Variants in PATJ observed in about 807,000 individuals in gnomAD.
The protein encoded by PATJ is inaD-like protein.
Under a neutral mutation model 224.9 loss-of-function variants are expected in PATJ, and 190 were observed. That is an observed-to-expected ratio of 0.84 (90% CI 0.75 to 0.95). PATJ has a LOEUF of 0.95. PATJ is among the 40% of genes least tolerant of loss of function. The pLI, the probability that PATJ is intolerant of heterozygous loss-of-function variation, is 0.00. For synonymous variants in PATJ, 769 were observed against 820.3 expected, an observed-to-expected ratio of 0.94 and a Z score of 1.07; for missense variants, 2,121 against 2,270.3, an observed-to-expected ratio of 0.93 and a Z score of 1.34.
intron 31 of PATJ, among the ~76,000 whole-genome samples, chr1:62,067,319 G>A (rs1196663926): frequency 1.3e-5 from 2 of 151,406 alleles, no homozygotes; most frequent in Non-Finnish European, 2.9e-5. Context: ...AGTAGAGACA[G>A]GGTTTCACCA....
At chr1:61,758,506 G>A (rs1237652421) in intron 1 of PATJ, among the ~76,000 whole-genome samples, 1 of 151,916 alleles carries the variant, frequency 6.6e-6, no homozygotes, top group African/African-American at 2.4e-5. Flanking sequence ...CTGCCACCAC[G>A]CCCAGCTAAT....
rs1295847116 is a variant in PATJ at position 61,808,499 on chromosome 1, C to G, written c.1652C>G (p.Ala551Gly). ...VMVATLDTQI[A>G]DDAELQKYSK... is the part of the protein sequence containing the mutation. ...GTTGCTACTTTGGACACACAGATTGCAGATGATGCTGAGTTACAGAAATAT... is the reference window on the plus strand; with the variant it reads ...GTTGCTACTTTGGACACACAGATTGGAGATGATGCTGAGTTACAGAAATAT... The change falls in exon 14 of 44, where the codon GCA (alanine) becomes GGA (glycine). Residue 551 changes from alanine (A) to glycine (G), a missense_variant. Coordinates refer to ENST00000642238, the MANE Select transcript of PATJ (RefSeq NM_001350145.3). 6.2e-7 allele frequency: 1 copy of G among 1,607,668 alleles called. No individual in the cohort carries two copies. The highest frequency in any genetic ancestry group is 1.7e-5 in the Admixed American group (1 of 59,456).
chr1:62,125,165 A>T (rs1665537783), intron 39 of PATJ, among the ~76,000 whole-genome samples: 1 of 139,578 alleles, frequency 7.2e-6, no homozygotes, highest in African/African-American at 2.6e-5. Flanking sequence ...TGAGCTCAGG[A>T]GGTTGAGGCT....
chr1:61,948,782 C>T (rs1001512935), intron 27 of PATJ, among the ~76,000 whole-genome samples: 1 of 152,080 alleles, frequency 6.6e-6, no homozygotes, highest in Non-Finnish European at 1.5e-5. Context: ...TATTGTGGCA[C>T]TATCCACAAT....
At chr1:61,902,649 A>G (rs896511888) in intron 24 of PATJ, among the ~76,000 whole-genome samples, 1 of 152,194 alleles carries the variant, frequency 6.6e-6, no homozygotes, top group African/African-American at 2.4e-5. Context: ...TTTCAAATAT[A>G]CTACTTATGG....
intron 33 of PATJ, among the ~76,000 whole-genome samples, chr1:62,087,895 T>G (rs1049990253): frequency 3.8e-5 from 4 of 104,218 alleles, no homozygotes; most frequent in Non-Finnish European, 8.6e-5. Flanking sequence ...TCTTTGTAAT[T>G]TTTTTTTTTT....
chr1:62,048,524 C>T (rs554760193), intron 30 of PATJ, among the ~76,000 whole-genome samples: 12 of 115,090 alleles, frequency 1.0e-4, no homozygotes, highest in African/African-American at 2.8e-4. Flanking sequence ...CTAGCCTGGG[C>T]GACAGAGCGA....
chr1:62,046,570 T>C (rs919250179), intron 30 of PATJ, among the ~76,000 whole-genome samples: 7 of 152,264 alleles, frequency 4.6e-5, no homozygotes, highest in African/African-American at 1.4e-4. Flanking sequence ...GAAAAATGAA[T>C]CAGGCAGTGG....
chr1:62,119,343 C>T (rs1570680289), intron 37 of PATJ, among the ~76,000 whole-genome samples: 1 of 152,182 alleles, frequency 6.6e-6, no homozygotes, highest in African/African-American at 2.4e-5. Context: ...AACATTTTTA[C>T]ATCCAGACCC....
intron 31 of PATJ, among the ~76,000 whole-genome samples, chr1:62,063,454 A>AT (rs368989546): frequency 2.2e-4 from 32 of 148,190 alleles, no homozygotes; most frequent in Admixed American, 6.7e-4. Context: ...CTCTGGCTTC[A>AT]TTTTTTTTTT....
At position 62,127,443 on chromosome 1, in the gene PATJ, A is replaced by G. The variant is rs138112094; in HGVS notation, c.5044-529A>G. Among the ~76,000 whole-genome samples, 221 of 146,578 alleles carry G rather than the reference A, an allele frequency of 1.5e-3. 2 individuals are homozygous for G. The highest frequency in any genetic ancestry group is 0.011 in the Admixed American group (161 of 14,584). On this transcript the variant is annotated intron_variant, in intron 39 of 43. Coordinates refer to ENST00000642238, the MANE Select transcript of PATJ (RefSeq NM_001350145.3). ...TTTTTTTTTTTTTTTGACACAAATG[A>G]CTCCATTTTGATTCTGACAACTTTC... is the stretch of plus-strand genomic sequence containing the variant.
At chr1:61,797,938 G>A (rs1299033518) in intron 11 of PATJ, among the ~76,000 whole-genome samples, 1 of 151,918 alleles carries the variant, frequency 6.6e-6, no homozygotes, top group Non-Finnish European at 1.5e-5. Flanking sequence ...AAGTAGCTGG[G>A]ACTACAGGCA....
intron 6 of PATJ, among the ~76,000 whole-genome samples, chr1:61,773,964 C>CA (rs1471115800): frequency 4.0e-5 from 6 of 150,974 alleles, no homozygotes; most frequent in Non-Finnish European, 7.4e-5. Flanking sequence ...ACTAAAAATA[C>CA]AAAAAATTAG....
intron 21 of PATJ, 190 bp downstream of exon 21, chr1:61,875,556 T>G (rs565483201): frequency 2.2e-6 from 1 of 447,190 alleles, no homozygotes; most frequent in Non-Finnish European, 4.0e-6. Flanking sequence ...CAACTTAGAG[T>G]TTTCAGATTC....
intron 27 of PATJ, among the ~76,000 whole-genome samples, chr1:61,963,710 G>A (rs1681657205): frequency 6.6e-6 from 1 of 152,150 alleles, no homozygotes; most frequent in South Asian, 2.1e-4. Context: ...GGCTGAGGAG[G>A]AGGAAGAGGC....
At chr1:61,853,542 A>G (rs549523259) in intron 17 of PATJ, among the ~76,000 whole-genome samples, 9 of 152,284 alleles carry the variant, frequency 5.9e-5, no homozygotes, top group South Asian at 2.1e-4. Flanking sequence ...TCTCCCCCCA[A>G]TAAAAAAGCC....
chr1:62,138,886 G>C (rs932970457), intron 41 of PATJ, among the ~76,000 whole-genome samples: 3 of 152,112 alleles, frequency 2.0e-5, no homozygotes, highest in Non-Finnish European at 4.4e-5. Flanking sequence ...GGACCTCAGA[G>C]TCCCTGTGCC....
chr1:62,073,355 G>C, intron 31 of PATJ: 1 of 983,050 alleles, frequency 1.0e-6, no homozygotes, highest in Non-Finnish European at 1.2e-6. Flanking sequence ...GGGCATGGTG[G>C]CTCATGCTTG....
chr1:62,051,262 G>A (rs531457860), intron 31 of PATJ, among the ~76,000 whole-genome samples: 24 of 152,130 alleles, frequency 1.6e-4, no homozygotes, highest in African/African-American at 4.1e-4. Flanking sequence ...CTTGAATTGT[G>A]CTGTCTGGGA....
Sources: allele counts gnomAD v4.1 joint callset (sites outside exome capture counted in the v4.1 genomes callset), GRCh38; gene constraint gnomAD v4.1.1; transcripts MANE v1.5; gene names NCBI Gene and HGNC (gene_info 2026-07-23, HGNC 2026-07-21).